PRDM10: variants seen among roughly 807,000 people sequenced by gnomAD.
PRDM10 encodes the protein PR/SET domain 10, also known as PR domain zinc finger protein 10.
PRDM10 carries 65 observed loss-of-function variants against 133.1 expected under a neutral mutation model. The ratio of observed to expected loss-of-function variants is 0.49; its 90% CI spans 0.40 to 0.60. PRDM10 has a LOEUF of 0.60. Among genes scored for constraint, PRDM10 ranks in the 20% least tolerant of loss-of-function variants. The pLI, the probability that PRDM10 is intolerant of heterozygous loss-of-function variation, is 0.00. For missense variants in PRDM10, 1,137 were observed against 1,507.1 expected (o/e 0.75, Z 4.07); for synonymous variants, 582 against 580.4 (o/e 1.00, Z -0.04).
intron 6 of PRDM10, among the ~76,000 whole-genome samples, chr11:129,944,437 T>G (rs1472553070): frequency 6.6e-6 from 1 of 151,294 alleles, no homozygotes; most frequent in Non-Finnish European, 1.5e-5. Flanking sequence ...AAAAAGAAAT[T>G]AGCCGGGCGT....
chr11:129,905,141 A>T (rs1949971806), intron 20 of PRDM10, among the ~76,000 whole-genome samples: 1 of 152,088 alleles, frequency 6.6e-6, no homozygotes, highest in Non-Finnish European at 1.5e-5. Context: ...AGGTGGGCGG[A>T]TCATGAGGTC....
intron 9 of PRDM10, among the ~76,000 whole-genome samples, chr11:129,932,686 T>C (rs1487464890): frequency 6.6e-6 from 1 of 152,168 alleles, no homozygotes; most frequent in Non-Finnish European, 1.5e-5. Flanking sequence ...TTCTGGAAGG[T>C]CAGAACAAAT....
chr11:130,002,569 G>C (rs1212776410), intron 1 of PRDM10, among the ~76,000 whole-genome samples, 153 bp downstream of exon 1: 2 of 151,948 alleles, frequency 1.3e-5, no homozygotes, highest in Admixed American at 1.3e-4. Flanking sequence ...CCCCACCCGG[G>C]TCCGCGGTCG....
intron 1 of PRDM10, among the ~76,000 whole-genome samples, chr11:129,977,300 ATT>A (rs1374975473): frequency 2.3e-4 from 34 of 148,806 alleles, no homozygotes; most frequent in Admixed American, 2.1e-3. Context: ...ACACACACAC[ATT>A]GAGATGCAGT....
At chr11:129,960,718 A>C (rs1951779595) in intron 2 of PRDM10, among the ~76,000 whole-genome samples, 178 bp downstream of exon 2, 1 of 152,196 alleles carries the variant, frequency 6.6e-6, no homozygotes, top group African/African-American at 2.4e-5. Context: ...ACTCACGGTG[A>C]GCCACATCGA....
intron 1 of PRDM10, among the ~76,000 whole-genome samples, chr11:129,963,598 GTTTAC>G (rs1425091728): frequency 6.6e-6 from 1 of 152,040 alleles, no homozygotes; most frequent in Non-Finnish European, 1.5e-5. Flanking sequence ...ATTGTACCAT[GTTTAC>G]TTTACTATTT....
In PRDM10 at chr11:129,924,902, G is replaced by A. The variant is rs1018774960; in HGVS notation, c.1858C>T (p.Arg620Trp). Reference sequence around the variant, plus strand: ...CTCACCTGGATAAAATCTGGGAACCGTTTCTTACAAGTTGGGCAGGTGAAG... The same window carrying A: ...CTCACCTGGATAAAATCTGGGAACCATTTCTTACAAGTTGGGCAGGTGAAG... ...GYFTCPTCKK[R>W]FPDFIQVKKH... Residue 620 changes from arginine to tryptophan, a missense_variant, in exon 12 of 21, where the codon CGG (arginine) becomes TGG (tryptophan). Physicochemically the swap from Arg to Trp is moderately radical, Grantham distance 101. Transcript: ENST00000360871. 2.5e-6 allele frequency: 4 copies of A among 1,607,772 alleles called. No homozygotes were observed. The highest frequency in any genetic ancestry group is 1.1e-5 in the South Asian group (1 of 89,914).
At chr11:129,916,537 C>T (rs1296704654) in intron 15 of PRDM10, among the ~76,000 whole-genome samples, 1 of 152,224 alleles carries the variant, frequency 6.6e-6, no homozygotes, top group East Asian at 1.9e-4. Flanking sequence ...ACTCCAGAGG[C>T]AGAGGCAGGA....
chr11:129,963,631 T>G (rs541414933), intron 1 of PRDM10, among the ~76,000 whole-genome samples: 1 of 152,272 alleles, frequency 6.6e-6, no homozygotes, highest in East Asian at 1.9e-4. Context: ...TTCTCTTTCT[T>G]TCCCTCCCTT....
At chr11:129,951,909 C>A (rs1278289832) in intron 4 of PRDM10, among the ~76,000 whole-genome samples, 2 of 149,290 alleles carry the variant, frequency 1.3e-5, no homozygotes, top group Admixed American at 6.7e-5. Flanking sequence ...ATAATGGGAA[C>A]CTTTTGGCTA....
At position 129,910,382 on chromosome 11, in the gene PRDM10, T is replaced by C. The variant is rs989293810; in HGVS notation, c.3163+94A>G. On this transcript the variant is annotated intron_variant, in intron 19 of 20. Coordinates refer to ENST00000360871, the MANE Select transcript of PRDM10 (RefSeq NM_199437.2). ...GAGAGTGTAAACAATGGCCAAGAGA[T>C]ACTTTAAAAATCTATCACAAGCTGA... The C allele has an allele frequency of 3.9e-6, 6 of 1,529,640 alleles. No homozygotes were observed. The African/African-American group carries it at 4.1e-5, about 10-fold the overall frequency. 94.8% of individuals were successfully genotyped at this position (1,529,640 alleles called of 1,614,324 possible). A position where few individuals can be genotyped will look rare whatever the true frequency, so the allele number is the denominator to read the frequency against.
rs1950434639 is a variant in PRDM10, at chr11:129,918,746, G to T, written c.2035-28C>A. On this transcript the variant is annotated intron_variant, in intron 13 of 20. Transcript: ENST00000360871. This position sits in a 1 kb window ranked among gnomAD's most constrained non-coding sequence, Gnocchi z 5.3. Reference sequence around the variant, plus strand: ...ATTTGGAGAGTATTTTTGAAAACGGGGTAGACACGGGGGTAGAAAATTTTT... The same window carrying T: ...ATTTGGAGAGTATTTTTGAAAACGGTGTAGACACGGGGGTAGAAAATTTTT... 1 of 1,571,210 alleles carries T rather than the reference G, an allele frequency of 6.4e-7. No individual in the cohort carries two copies. The highest frequency in any genetic ancestry group is 1.4e-5 in the African/African-American group (1 of 73,098).
intron 15 of PRDM10, among the ~76,000 whole-genome samples, chr11:129,916,809 A>G (rs1279594135): frequency 6.6e-6 from 1 of 152,204 alleles, no homozygotes; most frequent in East Asian, 1.9e-4. Flanking sequence ...GTCATGATAA[A>G]TGCTCTCATT....
chr11:129,917,048 T>C, intron 15 of PRDM10, 79 bp downstream of exon 15: 1 of 975,558 alleles, frequency 1.0e-6, no homozygotes, highest in Non-Finnish European at 1.5e-6. Flanking sequence ...AAAATCGTAG[T>C]ATATATTTAT....
intron 19 of PRDM10, among the ~76,000 whole-genome samples, chr11:129,909,970 T>C (rs1252033292): frequency 6.6e-6 from 1 of 152,218 alleles, no homozygotes; most frequent in Non-Finnish European, 1.5e-5. Flanking sequence ...ATCTGTAAAA[T>C]GCAAATAACA....
chr11:129,956,754 C>G (rs565173604), intron 3 of PRDM10, among the ~76,000 whole-genome samples: 39 of 152,306 alleles, frequency 2.6e-4, no homozygotes, highest in Non-Finnish European at 4.0e-4. Flanking sequence ...TTGAAAGGCA[C>G]TAATTAGGCG....
intron 3 of PRDM10, among the ~76,000 whole-genome samples, chr11:129,956,624 A>C (rs1365817800): frequency 6.6e-6 from 1 of 152,236 alleles, no homozygotes; most frequent in African/African-American, 2.4e-5. Flanking sequence ...ATTTAGTAAC[A>C]TTGTAATAAA....
At chr11:129,990,409 C>T (rs1938665231) in intron 1 of PRDM10, among the ~76,000 whole-genome samples, 1 of 150,120 alleles carries the variant, frequency 6.7e-6, no homozygotes, top group East Asian at 2.0e-4. Flanking sequence ...GTAATCCCAG[C>T]TATTCAGGAG....
intron 20 of PRDM10, among the ~76,000 whole-genome samples, chr11:129,904,397 T>C (rs1949946769): frequency 6.6e-6 from 1 of 152,194 alleles, no homozygotes; most frequent in Non-Finnish European, 1.5e-5. Flanking sequence ...GGCAAAAACA[T>C]TATCTATACT....
Sources: gnomAD v4.1 joint callset for allele counts (sites outside exome capture counted in the v4.1 genomes callset) on GRCh38, gnomAD v4.1.1 for gene constraint, Gnocchi (gnomAD v3.1) non-coding constraint, MANE v1.5 for transcripts, NCBI Gene and HGNC (gene_info 2026-07-23, HGNC 2026-07-21) for gene names.